The following SLC30A4 variants were observed in gnomAD, a reference collection of about 807,000 sequenced individuals.
SLC30A4 encodes probable proton-coupled zinc antiporter SLC30A4.
A neutral mutation model predicts 41.7 loss-of-function variants in SLC30A4; 20 were observed. That is an observed-to-expected ratio of 0.48 (90% CI 0.34 to 0.70). The LOEUF is 0.70. SLC30A4 is among the 30% of genes least tolerant of loss of function. SLC30A4 has a pLI of 0.01. For missense variants in SLC30A4, 441 were observed against 529.3 expected (o/e 0.83, Z 1.64); for synonymous variants, 181 against 195.9 (o/e 0.92, Z 0.64).
intron 3 of SLC30A4, chr15:45,496,987 A>G (rs1891920753): frequency 6.6e-6 from 1 of 151,730 alleles, no homozygotes; most frequent in Admixed American, 6.6e-5. Flanking sequence ...TGATCATGCC[A>G]CTGCACTTCA....
Position 45,511,250 on chromosome 15 carries a change from T to G in SLC30A4, c.426A>C (p.Thr142=). 5 of 1,611,696 alleles carry G rather than the reference T, an allele frequency of 3.1e-6. No individual in the cohort carries two copies. Among genetic ancestry groups the G allele is most frequent in the Non-Finnish European group, 4.2e-6 (5 of 1,178,684 alleles). The change falls in exon 3 of 8, where the codon ACA becomes ACC. Residue 142 remains threonine, a synonymous_variant. Transcript: ENST00000261867. ...GYIANSLAIM[T]DALHMLTDLS... ...GGTCAGTTAACATATGAAGTGCATC[T>G]GTCATGATTGCTAGGCTATTTGCAA...
intron 3 of SLC30A4, among the ~76,000 whole-genome samples, chr15:45,504,256 A>T (rs1566879180): frequency 6.6e-6 from 1 of 152,228 alleles, no homozygotes; most frequent in Non-Finnish European, 1.5e-5. Flanking sequence ...TGCTCCTTCA[A>T]TTTCTTTTAT....
At chr15:45,517,553 A>G (rs1224757551) in intron 2 of SLC30A4, among the ~76,000 whole-genome samples, 2 of 151,618 alleles carry the variant, frequency 1.3e-5, no homozygotes, top group Non-Finnish European at 2.9e-5. Flanking sequence ...GGGTTTCGCC[A>G]TATTGGTCAG....
At chr15:45,505,238 TAAAAA>T (rs1209222695) in intron 3 of SLC30A4, among the ~76,000 whole-genome samples, 5 of 53,280 alleles carry the variant, frequency 9.4e-5, no homozygotes, top group Non-Finnish European at 2.0e-4. Context: ...TCTCAAAAAT[TAAAAA>T]AAAAAAAAAA....
chr15:45,505,238 T>TAAAAAAAAAAAAAAAAAAAA (rs1209222695), intron 3 of SLC30A4, among the ~76,000 whole-genome samples: 17 of 52,846 alleles, frequency 3.2e-4, no homozygotes, highest in African/African-American at 4.3e-4. Flanking sequence ...TCTCAAAAAT[T>TAAAAAAAAAAAAAAAAAAAA]AAAAAAAAAA....
At chr15:45,492,499 A>C (rs1467859783) in intron 3 of SLC30A4, among the ~76,000 whole-genome samples, 1 of 152,174 alleles carries the variant, frequency 6.6e-6, no homozygotes, top group African/African-American at 2.4e-5. Context: ...GACTAAAAAA[A>C]TTTTCTTAAG....
intron 2 of SLC30A4, chr15:45,512,324 TG>T (rs1892321321): frequency 6.6e-6 from 1 of 152,198 alleles, no homozygotes; most frequent in Admixed American, 6.6e-5. Flanking sequence ...AGGTCTGGGA[TG>T]GTGATGGGGA....
chr15:45,505,610 G>A (rs1310139445), intron 3 of SLC30A4, among the ~76,000 whole-genome samples: 1 of 152,156 alleles, frequency 6.6e-6, no homozygotes, highest in Non-Finnish European at 1.5e-5. Flanking sequence ...CAAACCAGAA[G>A]CTTCTATGTA....
At chr15:45,486,856 A>G in intron 6 of SLC30A4, 111 bp from the exon 7 acceptor site, 1 of 590,186 alleles carries the variant, frequency 1.7e-6, no homozygotes, top group South Asian at 2.9e-5. Context: ...AATTCACTTT[A>G]AACAAATACT....
chr15:45,504,993 G>A (rs529446565), intron 3 of SLC30A4, among the ~76,000 whole-genome samples: 4 of 152,236 alleles, frequency 2.6e-5, no homozygotes, highest in African/African-American at 9.6e-5. Flanking sequence ...CACTTTGGGA[G>A]GCTGCGGTGG....
At position 45,483,433 on chromosome 15, in the gene SLC30A4, A is replaced by G. The variant is rs545837845; in HGVS notation, c.*1730T>C. The G allele has an allele frequency of 2.0e-5, 3 of 152,320 alleles. No individual in the cohort carries two copies. The highest frequency in any genetic ancestry group is 7.2e-5 in the African/African-American group (3 of 41,574). The allele number at this position is 152,320 out of a possible 1,614,324, so 9.4% of individuals were successfully genotyped here. A position where few individuals can be genotyped will look rare whatever the true frequency, so the allele number is the denominator to read the frequency against. ...AAATGTGCATAAAAGATAATCTCAAAACCAATGGTTGCAAAATGAAACATG... is the reference window on the plus strand; with the variant it reads ...AAATGTGCATAAAAGATAATCTCAAGACCAATGGTTGCAAAATGAAACATG... On this transcript the variant is annotated 3_prime_UTR_variant, in exon 8 of 8. Transcript: ENST00000261867.
At chr15:45,493,947 CAGAT>C (rs1164744317) in intron 3 of SLC30A4, among the ~76,000 whole-genome samples, 2 of 152,108 alleles carry the variant, frequency 1.3e-5, no homozygotes, top group African/African-American at 4.8e-5. Flanking sequence ...TTCTAACATA[CAGAT>C]AATCATACTT....
chr15:45,503,208 G>A lies in SLC30A4; in HGVS notation c.538+7930C>T, dbSNP rs547678446. 2.0e-5 allele frequency among the ~76,000 whole-genome samples: 3 copies of A among 151,848 alleles called. No homozygotes were observed. The East Asian group carries it at 5.8e-4, about 29-fold the overall frequency. ...TATTAAAAACTCTTTATTACAGAAG[G>A]AGAAGCAAAGGCACAGTAAAACTAT... On this transcript the variant is annotated intron_variant, in intron 3 of 7. Transcript: ENST00000261867.
chr15:45,516,903 C>T (rs747258294), intron 2 of SLC30A4, among the ~76,000 whole-genome samples: 17 of 151,826 alleles, frequency 1.1e-4, no homozygotes, highest in Non-Finnish European at 1.8e-4. Context: ...GGTGACAGAG[C>T]GAGACTCCAT....
At position 45,480,087 on chromosome 15, in the gene SLC30A4, G is replaced by A. The variant is rs920488299; in HGVS notation, c.*5076C>T. ...TGACATACTGGCACATTTCAATTTT[G>A]TGTTGCAGTTATCTGAGAATATACT... On this transcript the variant is annotated 3_prime_UTR_variant, in exon 8 of 8. Transcript: ENST00000261867. 1.3e-5 allele frequency: 2 copies of A among 152,270 alleles called. No homozygotes were observed. The highest frequency in any genetic ancestry group is 4.8e-5 in the African/African-American group (2 of 41,544). 9.4% of individuals were successfully genotyped at this position (152,270 alleles called of 1,614,324 possible).
Position 45,522,289 on chromosome 15 carries a change from A to G in SLC30A4, c.66T>C (p.Phe22=). Residue 22 remains phenylalanine, a synonymous_variant, in exon 2 of 8, where the codon TTT becomes TTC. Transcript: ENST00000261867. ...AGTCAAAGGCGCTGGTGTCATTTAAAAACAGCGGCGCATCATCCTTCCTTA... is the reference window on the plus strand; with the variant it reads ...AGTCAAAGGCGCTGGTGTCATTTAAGAACAGCGGCGCATCATCCTTCCTTA... The part of the protein sequence containing the change: ...SMLRKDDAPL[F]LNDTSAFDFS... The G allele has an allele frequency of 1.2e-6, 2 of 1,614,068 alleles. No homozygotes were observed. Among genetic ancestry groups the G allele is most frequent in the Non-Finnish European group, 1.7e-6 (2 of 1,180,002 alleles).
chr15:45,487,418 A>T, intron 6 of SLC30A4, 109 bp downstream of exon 6: 1 of 597,428 alleles, frequency 1.7e-6, no homozygotes, highest in Non-Finnish European at 3.1e-6. Flanking sequence ...ATAGCCTAAA[A>T]GGTATTAGTA....
intron 3 of SLC30A4, among the ~76,000 whole-genome samples, chr15:45,495,491 A>G (rs548579847): frequency 5.3e-5 from 8 of 152,324 alleles, no homozygotes; most frequent in Admixed American, 5.2e-4. Context: ...TTTTTAGTGT[A>G]AGTATGTCCT....
intron 4 of SLC30A4, 87 bp from the exon 5 acceptor site, chr15:45,489,129 G>T: frequency 2.2e-6 from 2 of 899,674 alleles, no homozygotes; most frequent in Non-Finnish European, 3.4e-6. Flanking sequence ...AGGTAACATG[G>T]AACTCATTTA....
Sources: allele counts gnomAD v4.1 joint callset (sites outside exome capture counted in the v4.1 genomes callset), GRCh38; gene constraint gnomAD v4.1.1; transcripts MANE v1.5; gene names NCBI Gene and HGNC (gene_info 2026-07-23, HGNC 2026-07-21).